CNTNAP2: variants seen among roughly 807,000 people sequenced by gnomAD.
CNTNAP2 encodes the protein contactin associated protein 2, also known as contactin-associated protein-like 2.
Under a neutral mutation model 155.2 loss-of-function variants are expected in CNTNAP2, and 98 were observed. The ratio of observed to expected loss-of-function variants is 0.63; its 90% CI spans 0.54 to 0.75. The LOEUF (loss-of-function observed/expected upper bound fraction) is 0.75, where lower values mean the gene tolerates loss of function less well. Among genes scored for constraint, CNTNAP2 ranks in the 30% least tolerant of loss-of-function variants. CNTNAP2 has a pLI of 0.00. For synonymous variants in CNTNAP2, 651 were observed against 631.2 expected (o/e 1.03, Z -0.47); for missense variants, 1,727 against 1,688.1 (o/e 1.02, Z -0.40).
At chr7:147,090,420 G>A (rs961039530) in intron 4 of CNTNAP2, among the ~76,000 whole-genome samples, 1 of 151,808 alleles carries the variant, frequency 6.6e-6, no homozygotes, top group Non-Finnish European at 1.5e-5. Flanking sequence ...CAAAAAGAGA[G>A]GGAAATATGA....
At chr7:148,028,535 C>T (rs1032305341) in intron 15 of CNTNAP2, among the ~76,000 whole-genome samples, 6 of 152,268 alleles carry the variant, frequency 3.9e-5, no homozygotes, top group Non-Finnish European at 8.8e-5. Context: ...ATGATTGTGT[C>T]GCTGCCTTTC....
chr7:146,837,876 C>T (rs185822982), intron 2 of CNTNAP2, among the ~76,000 whole-genome samples: 2 of 152,268 alleles, frequency 1.3e-5, no homozygotes, highest in East Asian at 1.9e-4. Flanking sequence ...TCAATTTTGT[C>T]TAGTCTGAAA....
chr7:147,942,648 A>G (rs1206413447), intron 14 of CNTNAP2, among the ~76,000 whole-genome samples: 2 of 152,196 alleles, frequency 1.3e-5, no homozygotes, highest in African/African-American at 4.8e-5. Flanking sequence ...ATTTAGATCT[A>G]ATAATCCTAC....
At chr7:147,962,175 A>C (rs1801129567) in intron 14 of CNTNAP2, among the ~76,000 whole-genome samples, 2 of 152,360 alleles carry the variant, frequency 1.3e-5, no homozygotes, top group Admixed American at 6.5e-5. Context: ...ACACTCAATA[A>C]ATTTTTGTTG....
At chr7:146,196,694 A>G (rs1267489478) in intron 1 of CNTNAP2, among the ~76,000 whole-genome samples, 2 of 152,168 alleles carry the variant, frequency 1.3e-5, no homozygotes, top group Non-Finnish European at 2.9e-5. Context: ...AGAAAACTAT[A>G]AATAGTTCAG....
intron 1 of CNTNAP2, among the ~76,000 whole-genome samples, chr7:146,497,167 C>T (rs1345335939): frequency 3.3e-5 from 5 of 152,162 alleles, no homozygotes; most frequent in Non-Finnish European, 7.4e-5. Flanking sequence ...TGAATCTGGT[C>T]TCAGGACTTA....
intron 13 of CNTNAP2, among the ~76,000 whole-genome samples, chr7:147,898,542 G>A (rs908942318): frequency 2.0e-4 from 27 of 138,026 alleles, no homozygotes; most frequent in African/African-American, 7.0e-4. Context: ...CTTTTTTTTT[G>A]AGACAGAGTC....
chr7:147,848,714 TAA>T (rs56743390), intron 13 of CNTNAP2, among the ~76,000 whole-genome samples: 6,699 of 149,794 alleles, frequency 0.045, 267 homozygotes, highest in Admixed American at 0.12. Flanking sequence ...TAGTTAATGG[TAA>T]AAAAAAAAAA....
chr7:146,672,121 T>G (rs1432512744), intron 1 of CNTNAP2, among the ~76,000 whole-genome samples: 1 of 152,126 alleles, frequency 6.6e-6, no homozygotes, highest in Non-Finnish European at 1.5e-5. Context: ...GCTAGTAGTA[T>G]TCTCATTTTA....
chr7:146,749,038 G>T (rs1165318469), intron 1 of CNTNAP2, among the ~76,000 whole-genome samples: 1 of 152,084 alleles, frequency 6.6e-6, no homozygotes, highest in Non-Finnish European at 1.5e-5. Context: ...CATGTGTCAG[G>T]TATTATGAAA....
At chr7:148,158,842 C>A (rs1352056671) in intron 17 of CNTNAP2, among the ~76,000 whole-genome samples, 4 of 152,172 alleles carry the variant, frequency 2.6e-5, no homozygotes. Context: ...TAAATAATTT[C>A]TTATACAGAT....
intron 1 of CNTNAP2, among the ~76,000 whole-genome samples, chr7:146,166,434 A>G (rs1452852666): frequency 6.6e-6 from 1 of 152,072 alleles, no homozygotes; most frequent in African/African-American, 2.4e-5. Flanking sequence ...TAAGCATCCA[A>G]TGGACTGTAC....
chr7:146,215,511 C>G (rs922694180), intron 1 of CNTNAP2, among the ~76,000 whole-genome samples: 1 of 151,972 alleles, frequency 6.6e-6, no homozygotes, highest in African/African-American at 2.4e-5. Flanking sequence ...GTGATTCTGA[C>G]AAAATTGCCA....
intron 10 of CNTNAP2, among the ~76,000 whole-genome samples, chr7:147,477,560 A>G (rs926877112): frequency 4.6e-5 from 7 of 152,174 alleles, no homozygotes; most frequent in Non-Finnish European, 1.0e-4. Flanking sequence ...TATTTTAAAT[A>G]TGTAGTTATC....
chr7:147,961,093 C>G (rs1175994667), intron 14 of CNTNAP2, among the ~76,000 whole-genome samples: 1 of 151,966 alleles, frequency 6.6e-6, no homozygotes, highest in Non-Finnish European at 1.5e-5. Flanking sequence ...TTCTGTCTCC[C>G]CTCACATCTG....
intron 12 of CNTNAP2, among the ~76,000 whole-genome samples, chr7:147,565,482 T>A (rs1800152588): frequency 6.6e-6 from 1 of 152,156 alleles, no homozygotes. Context: ...TGGGCTTCTA[T>A]AAGAGACAGC....
intron 16 of CNTNAP2, among the ~76,000 whole-genome samples, chr7:148,125,681 GTGTGTGTGTA>G (rs1475832028): frequency 1.4e-4 from 19 of 140,344 alleles, no homozygotes; most frequent in South Asian, 2.2e-4. Flanking sequence ...GTGTGTGTGT[GTGTGTGTGTA>G]TATATATATA....
intron 13 of CNTNAP2, among the ~76,000 whole-genome samples, chr7:147,686,962 A>G (rs528447094): frequency 5.8e-4 from 88 of 152,198 alleles, no homozygotes; most frequent in Admixed American, 3.0e-3. Context: ...CAGAAGGGTG[A>G]CTACAGTTAA....
chr7:146,973,064 T>C (rs1248324853), intron 3 of CNTNAP2, among the ~76,000 whole-genome samples: 2 of 152,198 alleles, frequency 1.3e-5, no homozygotes, highest in Non-Finnish European at 2.9e-5. Context: ...GTTTTGCTCT[T>C]GTTTCTCAGG....
Sources: gnomAD v4.1 joint callset for allele counts (sites outside exome capture counted in the v4.1 genomes callset) on GRCh38, gnomAD v4.1.1 for gene constraint, MANE v1.5 for transcripts, NCBI Gene and HGNC (gene_info 2026-07-23, HGNC 2026-07-21) for gene names.